The following CSMD1 variants were observed in gnomAD, a reference collection of about 807,000 sequenced individuals.
CSMD1 encodes the protein CUB and sushi domain-containing protein 1.
A neutral mutation model predicts 417.5 loss-of-function variants in CSMD1; 213 were observed. The observed-to-expected ratio is 0.51, with a 90% CI of 0.46 to 0.57. CSMD1 has a LOEUF of 0.57. CSMD1 is among the 20% of genes least tolerant of loss of function. The pLI is 0.00. For synonymous variants in CSMD1, 2,862 were observed against 1,736.8 expected, an observed-to-expected ratio of 1.65 and a Z score of -16.11; for missense variants, 6,923 against 4,529.7, an observed-to-expected ratio of 1.53 and a Z score of -15.17.
At chr8:4,271,288 G>T (rs974852786) in intron 3 of CSMD1, among the ~76,000 whole-genome samples, 26 of 152,178 alleles carry the variant, frequency 1.7e-4, no homozygotes, top group African/African-American at 6.0e-4. Flanking sequence ...TGCCCTAACA[G>T]CAGGCAACCA....
chr8:4,863,656 G>A (rs983586407), intron 1 of CSMD1, among the ~76,000 whole-genome samples: 1 of 152,004 alleles, frequency 6.6e-6, no homozygotes, highest in African/African-American at 2.4e-5. Context: ...CAGCAAGAAT[G>A]TCTAATTTGA....
At chr8:4,692,068 C>A (rs183916449) in intron 1 of CSMD1, among the ~76,000 whole-genome samples, 3 of 152,264 alleles carry the variant, frequency 2.0e-5, no homozygotes, top group Admixed American at 6.5e-5. Context: ...CACAACCTAC[C>A]CTACAAATGG....
At chr8:3,267,226 C>T (rs1801498572) in intron 26 of CSMD1, among the ~76,000 whole-genome samples, 1 of 152,130 alleles carries the variant, frequency 6.6e-6, no homozygotes, top group Admixed American at 6.5e-5. Context: ...GAAACAGTGG[C>T]TCACTGCTAG....
At chr8:3,937,647 C>T (rs1810595224) in intron 5 of CSMD1, among the ~76,000 whole-genome samples, 1 of 152,138 alleles carries the variant, frequency 6.6e-6, no homozygotes, top group Non-Finnish European at 1.5e-5. Flanking sequence ...TCATCTGAAG[C>T]CAAACTTGCA....
In CSMD1 at chr8:3,427,456, A is replaced by T. The variant is rs544996561; in HGVS notation, c.1562-17851T>A. 2.0e-4 allele frequency among the ~76,000 whole-genome samples: 30 copies of T among 152,266 alleles called. 1 individual carries two copies. The highest frequency in any genetic ancestry group is 1.3e-3 in the Admixed American group (20 of 15,276). On this transcript the variant is annotated intron_variant, in intron 12 of 69. Transcript: ENST00000635120. The stretch of plus-strand genomic sequence containing the variant: ...ATGATTCCACAATTCCTATATATAT[A>T]TTTTTGAAACCTTTAAAATGAAGAT...
chr8:3,902,282 C>T (rs910657083), intron 5 of CSMD1, among the ~76,000 whole-genome samples: 1 of 152,150 alleles, frequency 6.6e-6, no homozygotes, highest in Non-Finnish European at 1.5e-5. Flanking sequence ...CATGCCCTCA[C>T]CCATTACTGT....
chr8:4,416,706 A>G (rs969168969), intron 3 of CSMD1, among the ~76,000 whole-genome samples: 8 of 152,056 alleles, frequency 5.3e-5, no homozygotes, highest in Admixed American at 1.3e-4. Flanking sequence ...CCCAGTCCGT[A>G]TATTTTCTTC....
chr8:3,565,082 A>C (rs1301269039), intron 10 of CSMD1, among the ~76,000 whole-genome samples: 1 of 148,698 alleles, frequency 6.7e-6, no homozygotes, highest in Non-Finnish European at 1.5e-5. Flanking sequence ...TGAACTTAAA[A>C]TAAATATTGA....
chr8:3,415,055 C>G (rs1813045429), intron 12 of CSMD1, among the ~76,000 whole-genome samples: 1 of 152,136 alleles, frequency 6.6e-6, no homozygotes, highest in Admixed American at 6.5e-5. Flanking sequence ...AGATGCTTTT[C>G]TAAATTATTG....
intron 7 of CSMD1, among the ~76,000 whole-genome samples, chr8:3,669,690 G>C (rs978048847): frequency 6.6e-6 from 1 of 152,050 alleles, no homozygotes; most frequent in Non-Finnish European, 1.5e-5. Context: ...TCTGTGTGAG[G>C]CGTTATGCTA....
At chr8:4,411,626 G>A (rs928708330) in intron 3 of CSMD1, among the ~76,000 whole-genome samples, 2 of 152,028 alleles carry the variant, frequency 1.3e-5, no homozygotes, top group African/African-American at 2.4e-5. Flanking sequence ...CCTTCCACCT[G>A]CTCATTCCAT....
Position 4,432,888 on chromosome 8 carries a change from T to A in CSMD1, c.303-12823A>T, listed in dbSNP as rs188315139. On this transcript the variant is annotated intron_variant, in intron 2 of 69. Transcript: ENST00000635120. ...CGCGAGCCACGAATGTGGCTGCCCATCAAGGGGTGAGCAGCAGAAGCCAGA... is the reference window on the plus strand; with the variant it reads ...CGCGAGCCACGAATGTGGCTGCCCAACAAGGGGTGAGCAGCAGAAGCCAGA... Among the ~76,000 whole-genome samples, 203 of 152,310 alleles carry A rather than the reference T, an allele frequency of 1.3e-3. 2 individuals carry two copies. The highest frequency in any genetic ancestry group is 4.5e-3 in the African/African-American group (188 of 41,578).
At chr8:3,513,210 C>A (rs546453723) in intron 10 of CSMD1, among the ~76,000 whole-genome samples, 3 of 152,120 alleles carry the variant, frequency 2.0e-5, no homozygotes, top group Non-Finnish European at 4.4e-5. Flanking sequence ...TAGTTACATA[C>A]TAATCCTCCA....
At chr8:3,506,433 T>C (rs117118954) in intron 10 of CSMD1, among the ~76,000 whole-genome samples, 1 of 152,138 alleles carries the variant, frequency 6.6e-6, no homozygotes, top group Non-Finnish European at 1.5e-5. Context: ...GCCGAATGGG[T>C]AAGTACTCAC....
intron 8 of CSMD1, among the ~76,000 whole-genome samples, chr8:3,610,609 C>G (rs996656078): frequency 2.0e-5 from 3 of 152,126 alleles, no homozygotes; most frequent in African/African-American, 7.2e-5. Context: ...ACTACACAAT[C>G]CTAAGCTACC....
At chr8:3,697,890 C>T (rs1284926932) in intron 7 of CSMD1, among the ~76,000 whole-genome samples, 7 of 151,888 alleles carry the variant, frequency 4.6e-5, no homozygotes, top group Admixed American at 2.0e-4. Context: ...CTAGCCATTA[C>T]GCAAAGTGAG....
chr8:4,728,006 A>G (rs1052066975), intron 1 of CSMD1, among the ~76,000 whole-genome samples: 1 of 145,792 alleles, frequency 6.9e-6, no homozygotes, highest in African/African-American at 2.5e-5. Context: ...ATATTTATAT[A>G]CAAAATATAT....
chr8:3,154,436 G>A (rs182406648), intron 39 of CSMD1, among the ~76,000 whole-genome samples: 3 of 152,212 alleles, frequency 2.0e-5, no homozygotes, highest in Admixed American at 2.0e-4. Flanking sequence ...TAGAGTTATT[G>A]GTAAATGTGG....
At chr8:4,199,182 C>G (rs1799508186) in intron 3 of CSMD1, among the ~76,000 whole-genome samples, 1 of 151,742 alleles carries the variant, frequency 6.6e-6, no homozygotes, top group Non-Finnish European at 1.5e-5. Context: ...GATGATCCTA[C>G]TTTCAGAAAC....
Sources: allele counts gnomAD v4.1 joint callset (sites outside exome capture counted in the v4.1 genomes callset), GRCh38; gene constraint gnomAD v4.1.1; transcripts MANE v1.5; gene names NCBI Gene and HGNC (gene_info 2026-07-23, HGNC 2026-07-21).